Variants in CSMD3 observed in about 807,000 individuals in gnomAD.
CSMD3 encodes the protein CUB and Sushi multiple domains 3.
In CSMD3, 177 loss-of-function variants were observed where a neutral mutation model predicts 435.2. The observed-to-expected ratio is 0.41, with a 90% confidence interval of 0.36 to 0.46. The LOEUF (loss-of-function observed/expected upper bound fraction) is 0.46. Ranked by LOEUF, CSMD3 falls within the 20% of genes least tolerant of loss-of-function variation. CSMD3 has a pLI of 0.34. For synonymous variants in CSMD3, 1,656 were observed against 1,520.5 expected, an observed-to-expected ratio of 1.09 and a Z score of -2.07; for missense variants, 4,265 against 4,504.6, an observed-to-expected ratio of 0.95 and a Z score of 1.52.
chr8:112,931,832 C>T (rs1040254847), intron 9 of CSMD3, among the ~76,000 whole-genome samples: 1 of 151,986 alleles, frequency 6.6e-6, no homozygotes, highest in Non-Finnish European at 1.5e-5. Context: ...ATGGCAAACA[C>T]GTATATGAAA....
At chr8:113,325,125 A>G (rs1443738541) in intron 1 of CSMD3, among the ~76,000 whole-genome samples, 1 of 152,204 alleles carries the variant, frequency 6.6e-6, no homozygotes, top group Non-Finnish European at 1.5e-5. Context: ...CTTGTGTCAG[A>G]TGAGACTTTG....
At chr8:113,242,914 T>C (rs978926075) in intron 3 of CSMD3, among the ~76,000 whole-genome samples, 4 of 151,880 alleles carry the variant, frequency 2.6e-5, no homozygotes, top group African/African-American at 9.7e-5. Context: ...AATGTAAAGG[T>C]TTCTGGCTTT....
chr8:113,179,785 G>A (rs1052919271), intron 3 of CSMD3, among the ~76,000 whole-genome samples: 2 of 151,392 alleles, frequency 1.3e-5, no homozygotes, highest in South Asian at 4.2e-4. Flanking sequence ...TGGTTTCCTT[G>A]GATAAATGAA....
chr8:112,599,057 G>T (rs1289580020), intron 22 of CSMD3, among the ~76,000 whole-genome samples: 1 of 147,170 alleles, frequency 6.8e-6, no homozygotes, highest in African/African-American at 2.5e-5. Context: ...CACAGCAAAA[G>T]AAACTACCAT....
At chr8:112,868,960 T>G (rs184719946) in intron 10 of CSMD3, among the ~76,000 whole-genome samples, 4 of 152,276 alleles carry the variant, frequency 2.6e-5, no homozygotes, top group African/African-American at 7.2e-5. Flanking sequence ...TGGCAATGAT[T>G]TTTTTGAATA....
chr8:113,356,966 C>G (rs1418495263), intron 1 of CSMD3, among the ~76,000 whole-genome samples: 1 of 151,518 alleles, frequency 6.6e-6, no homozygotes, highest in Non-Finnish European at 1.5e-5. Flanking sequence ...TTTTAAAGTC[C>G]TGGATATTAT....
intron 3 of CSMD3, among the ~76,000 whole-genome samples, chr8:113,234,152 T>C (rs2093121744): frequency 6.6e-6 from 1 of 152,128 alleles, no homozygotes; most frequent in Non-Finnish European, 1.5e-5. Context: ...TGCAGAAATG[T>C]GAAAAATTCA....
chr8:112,809,597 C>T (rs2079172161), intron 12 of CSMD3, among the ~76,000 whole-genome samples: 1 of 152,130 alleles, frequency 6.6e-6, no homozygotes. Context: ...ATTTGTTACA[C>T]TACTTTTTCT....
chr8:112,677,293 G>A (rs1016588266), intron 16 of CSMD3, among the ~76,000 whole-genome samples: 8 of 151,500 alleles, frequency 5.3e-5, no homozygotes, highest in Admixed American at 1.3e-4. Context: ...AAATGATAAT[G>A]ATGATGGTGG....
intron 9 of CSMD3, among the ~76,000 whole-genome samples, chr8:112,944,221 G>T (rs28591658): frequency 7.3e-5 from 11 of 151,512 alleles, no homozygotes; most frequent in African/African-American, 2.7e-4. Context: ...CGTTACTAAC[G>T]TAAAAGTATT....
At chr8:113,415,690 T>C (rs2094578933) in intron 1 of CSMD3, among the ~76,000 whole-genome samples, 1 of 152,150 alleles carries the variant, frequency 6.6e-6, no homozygotes, top group Non-Finnish European at 1.5e-5. Flanking sequence ...TAATGCTTAG[T>C]ATTGAAAGAC....
At chr8:113,129,885 G>A (rs1240724834) in intron 4 of CSMD3, among the ~76,000 whole-genome samples, 1 of 151,860 alleles carries the variant, frequency 6.6e-6, no homozygotes, top group African/African-American at 2.4e-5. Context: ...TAGGAAGAAG[G>A]ATACAGCCAG....
chr8:112,382,827 C>CA (rs1829599478), intron 37 of CSMD3, among the ~76,000 whole-genome samples: 1 of 151,916 alleles, frequency 6.6e-6, no homozygotes, highest in Non-Finnish European at 1.5e-5. Context: ...CCATCTCTAC[C>CA]AAAAAATACA....
intron 35 of CSMD3, among the ~76,000 whole-genome samples, chr8:112,392,567 G>A (rs1328747328): frequency 6.6e-6 from 1 of 151,196 alleles, no homozygotes; most frequent in Non-Finnish European, 1.5e-5. Flanking sequence ...GAACAAAAAC[G>A]TAATTGATGA....
chr8:113,076,994 G>A (rs2089367809), intron 5 of CSMD3, among the ~76,000 whole-genome samples: 1 of 152,170 alleles, frequency 6.6e-6, no homozygotes, highest in Non-Finnish European at 1.5e-5. Context: ...AGGAAGAGAA[G>A]TGGCTGTGGC....
chr8:112,704,661 C>T (rs1386980256), intron 13 of CSMD3, among the ~76,000 whole-genome samples: 1 of 152,172 alleles, frequency 6.6e-6, no homozygotes, highest in African/African-American at 2.4e-5. Flanking sequence ...CTCTCTCTCT[C>T]TCTCAAGAGA....
intron 13 of CSMD3, among the ~76,000 whole-genome samples, chr8:112,720,595 G>A (rs1392229749): frequency 6.6e-6 from 1 of 152,096 alleles, no homozygotes; most frequent in South Asian, 2.1e-4. Context: ...AGATCTAGGA[G>A]TAAACTCTGA....
intron 11 of CSMD3, among the ~76,000 whole-genome samples, chr8:112,846,311 C>T (rs1294300399): frequency 3.6e-5 from 5 of 140,092 alleles, no homozygotes; most frequent in Admixed American, 1.5e-4. Context: ...CCTTTCCTTC[C>T]TTCCTTCCTT....
intron 3 of CSMD3, among the ~76,000 whole-genome samples, chr8:113,266,101 A>C (rs1301748715): frequency 6.6e-6 from 1 of 151,094 alleles, no homozygotes; most frequent in Non-Finnish European, 1.5e-5. Context: ...CTTGATTCTA[A>C]ATTGTAAGCT....
Sources: allele counts gnomAD v4.1 joint callset (sites outside exome capture counted in the v4.1 genomes callset), GRCh38; gene constraint gnomAD v4.1.1; transcripts MANE v1.5; gene names NCBI Gene and HGNC (gene_info 2026-07-23, HGNC 2026-07-21).